The following PLXNA2 variants were observed in gnomAD, a reference collection of about 807,000 sequenced individuals.
PLXNA2 encodes the protein plexin-A2.
A neutral mutation model predicts 193.5 loss-of-function variants in PLXNA2; 91 were observed. The observed-to-expected ratio is 0.47, with a 90% CI of 0.40 to 0.56. PLXNA2 has a LOEUF of 0.56. Ranked by LOEUF, PLXNA2 falls within the 20% of genes least tolerant of loss-of-function variation. The pLI is 0.00. For synonymous variants in PLXNA2, 997 were observed against 1,027.3 expected, an observed-to-expected ratio of 0.97 and a Z score of 0.56; for missense variants, 1,995 against 2,503.2, an observed-to-expected ratio of 0.80 and a Z score of 4.33.
chr1:208,201,771 C>T (rs1466975922), intron 3 of PLXNA2, among the ~76,000 whole-genome samples: 1 of 152,138 alleles, frequency 6.6e-6, no homozygotes, highest in Non-Finnish European at 1.5e-5. Flanking sequence ...TCGAAGTTCA[C>T]AAGTTAAGTC....
chr1:208,099,121 A>T lies in PLXNA2; in HGVS notation c.1608-152T>A, dbSNP rs554475257. 483 of 881,120 alleles carry T rather than the reference A, an allele frequency of 5.5e-4. 2 individuals carry two copies. The African/African-American group carries it at 7.6e-3, about 14-fold the overall frequency. The allele number at this position is 881,120 out of a possible 1,614,324, so 54.6% of individuals were successfully genotyped here. On this transcript the variant is annotated intron_variant, in intron 5 of 31. Coordinates refer to ENST00000367033, the MANE Select transcript of PLXNA2 (RefSeq NM_025179.4). ...TACTGTACTCCGGAGGGCCTTGGTGACTCTCAGACAGTCTCCGTCGCAGTT... is the reference window on the plus strand; with the variant it reads ...TACTGTACTCCGGAGGGCCTTGGTGTCTCTCAGACAGTCTCCGTCGCAGTT...
chr1:208,041,219 C>T (rs1309023796), intron 22 of PLXNA2, among the ~76,000 whole-genome samples: 8 of 152,308 alleles, frequency 5.3e-5, no homozygotes, highest in African/African-American at 1.9e-4. Context: ...TTCCTCCCTC[C>T]TCACCCCACG....
chr1:208,148,538 T>C (rs901619322), intron 3 of PLXNA2, among the ~76,000 whole-genome samples: 5 of 152,216 alleles, frequency 3.3e-5, no homozygotes, highest in Admixed American at 1.3e-4. Flanking sequence ...TCAAAAAAGA[T>C]ATTGTGAATG....
Position 208,142,312 on chromosome 1 carries a change from TG to T in PLXNA2, c.1506+16del. On this transcript the variant is annotated intron_variant, in intron 4 of 31. Transcript: ENST00000367033. ...TTTCTTGGAGTTTGGAAAGCAGAGA[TG>T]GATGTTAGCACTTACCTGTCTCTCA... 6.4e-7 allele frequency: 1 copy of T among 1,570,446 alleles called. No homozygotes were observed.
rs572241200 is a variant in PLXNA2, at chr1:208,043,152, C to T, written c.3926G>A (p.Arg1309His). The change falls in exon 21 of 32, where the codon CGC (arginine) becomes CAC (histidine). Residue 1309 changes from arginine to histidine, a missense_variant. Coordinates refer to ENST00000367033, the MANE Select transcript of PLXNA2 (RefSeq NM_025179.4). Reference protein sequence around the residue: ...DINELTSDLDRSGIPYLDYRT... With the variant: ...DINELTSDLDHSGIPYLDYRT... ...ATAGTCCAGGTAAGGGATTCCTGAG[C>T]GGTCCAGGTCACTGGTCAACTCATT... 46 of 1,614,052 alleles carry T rather than the reference C, an allele frequency of 2.8e-5. No homozygotes were observed. Among genetic ancestry groups the T allele is most frequent in the Middle Eastern group, 1.7e-4 (1 of 6,034 alleles).
At chr1:208,179,179 A>G in intron 3 of PLXNA2, among the ~76,000 whole-genome samples, 1 of 152,182 alleles carries the variant, frequency 6.6e-6, no homozygotes, top group East Asian at 1.9e-4. Flanking sequence ...TTCTCTTAAC[A>G]TGAAAGCCCA....
intron 4 of PLXNA2, among the ~76,000 whole-genome samples, chr1:208,129,941 C>T (rs1035519465): frequency 3.9e-5 from 6 of 152,228 alleles, no homozygotes; most frequent in Non-Finnish European, 7.3e-5. Context: ...TGGCTTGCAT[C>T]TCTGCCCACC....
intron 4 of PLXNA2, among the ~76,000 whole-genome samples, chr1:208,108,086 C>CG (rs1667331418): frequency 6.6e-6 from 1 of 152,138 alleles, no homozygotes; most frequent in South Asian, 2.1e-4. Flanking sequence ...CCTGATTCAG[C>CG]GGGGCTGAAG....
At chr1:208,140,456 T>C (rs1394137412) in intron 4 of PLXNA2, among the ~76,000 whole-genome samples, 3 of 152,296 alleles carry the variant, frequency 2.0e-5, no homozygotes, top group Middle Eastern at 6.8e-3. Context: ...AAAGAGCTCT[T>C]ACCCAGAGCT....
chr1:208,086,894 C>G (rs1666542115), intron 9 of PLXNA2, among the ~76,000 whole-genome samples: 1 of 149,774 alleles, frequency 6.7e-6, no homozygotes, highest in African/African-American at 2.5e-5. Context: ...TGCATCAAAT[C>G]TAATGTTAGA....
At chr1:208,059,166 G>A (rs935445554) in intron 13 of PLXNA2, among the ~76,000 whole-genome samples, 1 of 152,216 alleles carries the variant, frequency 6.6e-6, no homozygotes, top group Non-Finnish European at 1.5e-5. Context: ...GGCAGGGTGC[G>A]GGGCTCTGTA....
At chr1:208,116,730 A>G (rs1034540788) in intron 4 of PLXNA2, among the ~76,000 whole-genome samples, 2 of 152,228 alleles carry the variant, frequency 1.3e-5, no homozygotes, top group African/African-American at 4.8e-5. Flanking sequence ...AAATTAAGGC[A>G]TCCACGAAGG....
rs767158031 is a variant in PLXNA2, at chr1:208,142,463, T to C, written c.1372A>G (p.Ile458Val). The C allele has an allele frequency of 6.2e-7, 1 of 1,604,210 alleles. No homozygotes were observed. The highest frequency in any genetic ancestry group is 1.1e-5 in the South Asian group (1 of 89,426). The part of the protein sequence containing the change: ...VGTKSGKLKK[I>V]RADGPPHGGV... ...CCATGGGGGGGACCGTCGGCCCGAATCTGTATGAGAAACAAGGGTGTCCTC... is the reference window on the plus strand; with the variant it reads ...CCATGGGGGGGACCGTCGGCCCGAACCTGTATGAGAAACAAGGGTGTCCTC... Residue 458 changes from isoleucine to valine, a missense_variant and splice_region_variant, in exon 4 of 32, where the codon ATT (isoleucine) becomes GTT (valine). By Grantham distance (29) the Ile-to-Val change is conservative. This residue lies in a region of PLXNA2 where 702 missense variants were observed against 812.9 expected (regional missense o/e 0.86). Transcript: ENST00000367033.
At chr1:208,096,163 A>T in intron 7 of PLXNA2, 38 bp from the exon 8 acceptor site, 4 of 1,487,032 alleles carry the variant, frequency 2.7e-6, no homozygotes, top group Non-Finnish European at 3.8e-6. Context: ...GTTGGGTAAC[A>T]ACGTGGGGGA....
Position 208,103,217 on chromosome 1 carries a change from G to T in PLXNA2, c.1537C>A (p.Gln513Lys). The change falls in exon 5 of 32, where the codon CAG becomes AAG. Residue 513 changes from glutamine to lysine, a missense_variant. Around this residue, in one of 3 missense-constraint regions of PLXNA2, gnomAD observed 702 missense variants for 812.9 expected, o/e 0.86. Transcript: ENST00000367033. ...AGGCACTCCCCACAAGTCGTATACT[G>T]CTCACATGACTCCACGGGGACCCTG... ...VTRVPVESCE[Q>K]YTTCGECLSS... 1 of 1,614,094 alleles carries T rather than the reference G, an allele frequency of 6.2e-7. No individual in the cohort carries two copies.
chr1:208,084,961 C>T (rs1666464455), intron 9 of PLXNA2, among the ~76,000 whole-genome samples: 1 of 152,206 alleles, frequency 6.6e-6, no homozygotes, highest in African/African-American at 2.4e-5. Flanking sequence ...CGGCCCCTTG[C>T]ATTGTCTGAT....
At chr1:208,094,865 G>A (rs181534655) in intron 8 of PLXNA2, among the ~76,000 whole-genome samples, 9 of 152,308 alleles carry the variant, frequency 5.9e-5, no homozygotes, top group Admixed American at 3.9e-4. Flanking sequence ...GAAAAATGGA[G>A]AATAAGGAGG....
intron 13 of PLXNA2, 110 bp downstream of exon 13, chr1:208,060,576 G>A (rs1254201896): frequency 5.3e-6 from 6 of 1,134,994 alleles, no homozygotes; most frequent in Non-Finnish European, 7.5e-6. Flanking sequence ...CATGGGAGGA[G>A]AATGTAATGG....
At chr1:208,231,483 C>T (rs1572059023) in intron 1 of PLXNA2, among the ~76,000 whole-genome samples, 1 of 152,118 alleles carries the variant, frequency 6.6e-6, no homozygotes, top group Non-Finnish European at 1.5e-5. Context: ...CCTGGTCACC[C>T]GCCCTCCCCT....
Sources: gnomAD v4.1 joint callset for allele counts (sites outside exome capture counted in the v4.1 genomes callset) on GRCh38, gnomAD v4.1.1 for gene constraint, gnomAD v4.1.1 regional missense constraint, MANE v1.5 for transcripts, NCBI Gene and HGNC (gene_info 2026-07-23, HGNC 2026-07-21) for gene names.